Variants in LRTM1 observed in about 807,000 individuals in gnomAD.
The protein encoded by LRTM1 is leucine rich repeat transmembrane protein 1, also known as leucine-rich repeat and transmembrane domain-containing protein 1.
A neutral mutation model predicts 32.4 loss-of-function variants in LRTM1; 38 were observed. That is an observed-to-expected ratio of 1.17 (90% CI 0.91 to 1.54). LRTM1 has a LOEUF of 1.54. Ranked by LOEUF, LRTM1 falls within the 40% of genes most tolerant of loss-of-function variation. The pLI, the probability that LRTM1 is intolerant of heterozygous loss-of-function variation, is 0.00. For synonymous variants in LRTM1, 186 were observed against 169.9 expected (o/e 1.09, Z -0.74); for missense variants, 466 against 415.4 (o/e 1.12, Z -1.06).
chr3:54,928,038 G>A lies in LRTM1; in HGVS notation c.-127C>T. The A allele has an allele frequency of 1.2e-6, 1 of 849,276 alleles. No homozygotes were observed. 52.6% of individuals were successfully genotyped at this position (849,276 alleles called of 1,614,324 possible). The stretch of plus-strand genomic sequence containing the variant: ...TTCAGTCTTTCTGAACCCTGCCCTT[G>A]CTTTTCTTCAATGCAGAAAACAGTT... On this transcript the variant is annotated 5_prime_UTR_variant, in exon 1 of 3. Coordinates refer to ENST00000273286, the MANE Select transcript of LRTM1 (RefSeq NM_020678.4).
upstream of LRTM1, chr3:54,928,183 C>G (rs151049863): frequency 4.5e-3 from 2,209 of 495,972 alleles, 7 homozygotes; most frequent in Non-Finnish European, 5.9e-3. Flanking sequence ...ATGTTGGCCT[C>G]CCCAGGATCA....
rs1027656032 is a variant in LRTM1, at chr3:54,922,326, T to A, written c.604+2293A>T. 2.5e-4 allele frequency among the ~76,000 whole-genome samples: 38 copies of A among 152,184 alleles called. No individual in the cohort carries two copies. In the South Asian group the frequency reaches 7.9e-3, roughly 32 times the overall value. The stretch of plus-strand genomic sequence containing the variant: ...AGTGCCCTAGTCCTGGGAACTTTTT[T>A]TTTTTTTTTTTAATCAAGAAATGTT... On this transcript the variant is annotated intron_variant, in intron 2 of 2. Coordinates refer to ENST00000273286, the MANE Select transcript of LRTM1 (RefSeq NM_020678.4).
At position 54,918,321 on chromosome 3, in the gene LRTM1, C is replaced by CTTTTT. The variant is rs60257399; in HGVS notation, c.*133_*137dup. 61 of 394,426 alleles carry CTTTTT rather than the reference C, an allele frequency of 1.5e-4. No individual in the cohort carries two copies. Among genetic ancestry groups the CTTTTT allele is most frequent in the African/African-American group, 1.3e-3 (46 of 34,132 alleles). 24.4% of individuals were successfully genotyped at this position (394,426 alleles called of 1,614,324 possible). Reference sequence around the variant, plus strand: ...CCAGAAATATTTTTTACAGACACATCTTTTTTTTTTCTTTTTTTTTTTTTT... The same window carrying CTTTTT: ...CCAGAAATATTTTTTACAGACACATCTTTTTTTTTTTTTTTCTTTTTTTTTTTTTT... On this transcript the variant is annotated 3_prime_UTR_variant, in exon 3 of 3. Transcript: ENST00000273286.
At chr3:54,946,010 C>T (rs1386425499) in intron 1 of LRTM1, among the ~76,000 whole-genome samples, 3 of 152,186 alleles carry the variant, frequency 2.0e-5, no homozygotes, top group African/African-American at 7.2e-5. Context: ...TTCCAAACAG[C>T]AGGAAAACGA....
intron 2 of LRTM1, among the ~76,000 whole-genome samples, chr3:54,923,105 C>T (rs1420403738): frequency 6.6e-6 from 1 of 152,142 alleles, no homozygotes; most frequent in African/African-American, 2.4e-5. Flanking sequence ...TCAGTTCTCC[C>T]AAGAGTCTAC....
intron 1 of LRTM1, among the ~76,000 whole-genome samples, chr3:54,957,689 C>T (rs7631037): frequency 0.24 from 31,191 of 130,564 alleles, 3,763 homozygotes; most frequent in East Asian, 0.36. Context: ...GGTTCCAGGC[C>T]CCACCCAGTC....
chr3:54,957,926 CTG>C lies in LRTM1; in HGVS notation c.-222+9000_-222+9001del, dbSNP rs146416690. Among the ~76,000 whole-genome samples the C allele has an allele frequency of 2.2e-3, 334 of 152,328 alleles. 1 individual carries two copies. Among genetic ancestry groups the C allele is most frequent in the African/African-American group, 7.6e-3 (316 of 41,570 alleles). ...CTGCTGAGAACCTTTTCATTGCTCTCTGTTGCTCTTGGGACAGAGTCCAAACC... is the reference window on the plus strand; with the variant it reads ...CTGCTGAGAACCTTTTCATTGCTCTCTTGCTCTTGGGACAGAGTCCAAACC... On this transcript the variant is annotated intron_variant, in intron 1 of 2. Coordinates refer to the LRTM1 transcript ENST00000493075.
chr3:54,959,236 G>A (rs1575407768), intron 1 of LRTM1, among the ~76,000 whole-genome samples: 1 of 152,170 alleles, frequency 6.6e-6, no homozygotes, highest in South Asian at 2.1e-4. Flanking sequence ...TGGAGACTGC[G>A]GCACAGGGTG....
At chr3:54,924,410 A>G (rs1394093124) in intron 2 of LRTM1, among the ~76,000 whole-genome samples, 1 of 152,210 alleles carries the variant, frequency 6.6e-6, no homozygotes, top group African/African-American at 2.4e-5. Flanking sequence ...TCCATGCAAC[A>G]TATTTGTAGA....
intron 1 of LRTM1, among the ~76,000 whole-genome samples, chr3:54,947,934 T>A (rs980018458): frequency 3.3e-5 from 5 of 152,176 alleles, no homozygotes; most frequent in Non-Finnish European, 5.9e-5. Context: ...GGCCTCTGTC[T>A]CTTTGCTGCC....
intron 1 of LRTM1, among the ~76,000 whole-genome samples, chr3:54,927,364 A>C (rs1428946825): frequency 6.6e-6 from 1 of 152,144 alleles, no homozygotes; most frequent in African/African-American, 2.4e-5. Context: ...GAGCAAAACC[A>C]CTGTTTTCCT....
chr3:54,933,710 C>T (rs929205322), intron 1 of LRTM1, among the ~76,000 whole-genome samples: 2 of 151,912 alleles, frequency 1.3e-5, no homozygotes, highest in African/African-American at 4.8e-5. Context: ...TCAAAACCCA[C>T]TTAATAGGTT....
upstream of LRTM1, among the ~76,000 whole-genome samples, chr3:54,932,488 C>T (rs550401787): frequency 2.6e-5 from 4 of 152,232 alleles, no homozygotes; most frequent in South Asian, 2.1e-4. Context: ...ATATTCAACT[C>T]GCTACAACAA....
At chr3:54,942,343 G>A (rs985608533) in intron 1 of LRTM1, among the ~76,000 whole-genome samples, 1 of 152,194 alleles carries the variant, frequency 6.6e-6, no homozygotes, top group African/African-American at 2.4e-5. Context: ...CTCTCCCCCT[G>A]AGTTCTGCCA....
intron 1 of LRTM1, among the ~76,000 whole-genome samples, chr3:54,951,343 C>A (rs756079160): frequency 6.6e-6 from 1 of 152,198 alleles, no homozygotes; most frequent in Admixed American, 6.5e-5. Context: ...TCTTTCACAG[C>A]ACTATAGTAA....
intron 1 of LRTM1, among the ~76,000 whole-genome samples, chr3:54,936,638 C>G (rs1301045094): frequency 6.6e-6 from 1 of 152,166 alleles, no homozygotes; most frequent in Non-Finnish European, 1.5e-5. Flanking sequence ...TTACCTACTA[C>G]ATGCTCGTGC....
chr3:54,932,481 T>C (rs1701213438), upstream of LRTM1, among the ~76,000 whole-genome samples: 1 of 152,202 alleles, frequency 6.6e-6, no homozygotes, highest in South Asian at 2.1e-4. Context: ...CTTCTGTATA[T>C]TCAACTCGCT....
chr3:54,951,977 T>C (rs1701769277), intron 1 of LRTM1, among the ~76,000 whole-genome samples: 1 of 152,154 alleles, frequency 6.6e-6, no homozygotes, highest in Non-Finnish European at 1.5e-5. Flanking sequence ...GCCTCCCAAG[T>C]AGCCGGGACT....
At chr3:54,935,581 A>G (rs1469065338) in intron 1 of LRTM1, among the ~76,000 whole-genome samples, 2 of 152,164 alleles carry the variant, frequency 1.3e-5, no homozygotes, top group Non-Finnish European at 2.9e-5. Flanking sequence ...CCAGGAATAT[A>G]AATTGGAATC....
Sources: allele counts gnomAD v4.1 joint callset (sites outside exome capture counted in the v4.1 genomes callset), GRCh38; gene constraint gnomAD v4.1.1; transcripts MANE v1.5; gene names NCBI Gene and HGNC (gene_info 2026-07-23, HGNC 2026-07-21).